Variants in FMN1 observed in about 807,000 individuals in gnomAD.
The protein encoded by FMN1 is formin-1.
In FMN1, 110 loss-of-function variants were observed where a neutral mutation model predicts 132.4. The observed-to-expected ratio is 0.83, with a 90% CI of 0.71 to 0.97. FMN1 has a LOEUF of 0.97. Among genes scored for constraint, FMN1 ranks in the 50% least tolerant of loss-of-function variants. FMN1 has a pLI of 0.00. For synonymous variants in FMN1, 722 were observed against 651.7 expected (o/e 1.11, Z -1.64); for missense variants, 1,792 against 1,705.3 (o/e 1.05, Z -0.90).
intron 6 of FMN1, among the ~76,000 whole-genome samples, chr15:33,024,935 A>C (rs2035596890): frequency 6.6e-6 from 1 of 152,212 alleles, no homozygotes; most frequent in Admixed American, 6.5e-5. Flanking sequence ...TAAATCTAAC[A>C]AACATTATTT....
chr15:32,903,386 T>C (rs2060343108), intron 12 of FMN1, among the ~76,000 whole-genome samples: 2 of 152,238 alleles, frequency 1.3e-5, no homozygotes, highest in Non-Finnish European at 2.9e-5. Context: ...TTATCATGAC[T>C]GAAATCAGGG....
At chr15:33,041,140 T>A (rs1201231976) in intron 6 of FMN1, among the ~76,000 whole-genome samples, 8 of 92,770 alleles carry the variant, frequency 8.6e-5, no homozygotes, top group African/African-American at 3.3e-4. Context: ...CTAAACAGAT[T>A]GAAAAAAAAA....
chr15:32,945,324 T>C (rs2140462729), intron 9 of FMN1, among the ~76,000 whole-genome samples: 1 of 152,158 alleles, frequency 6.6e-6, no homozygotes, highest in South Asian at 2.1e-4. Flanking sequence ...ACTAAAGCTA[T>C]TGTACTCATT....
chr15:32,929,026 C>T (rs1478606239), intron 9 of FMN1, among the ~76,000 whole-genome samples: 1 of 152,208 alleles, frequency 6.6e-6, no homozygotes, highest in Non-Finnish European at 1.5e-5. Context: ...AGGATGTTAT[C>T]ACCATAAGCC....
At chr15:32,830,629 C>T (rs1324117934) in intron 17 of FMN1, among the ~76,000 whole-genome samples, 2 of 152,108 alleles carry the variant, frequency 1.3e-5, no homozygotes, top group East Asian at 1.9e-4. Context: ...TCTTCCCTCT[C>T]GTATCAGCTA....
intron 4 of FMN1, among the ~76,000 whole-genome samples, chr15:33,098,716 G>A (rs564127165): frequency 1.3e-5 from 2 of 152,308 alleles, no homozygotes; most frequent in South Asian, 2.1e-4. Context: ...ATGAGGTTGT[G>A]TCACTGCATA....
chr15:33,012,486 T>G, intron 6 of FMN1: 1 of 1,254,742 alleles, frequency 8.0e-7, no homozygotes, highest in Non-Finnish European at 1.2e-6. Context: ...TAAGAGATTA[T>G]TTTCAACAGT....
At chr15:32,870,849 TTA>T (rs377723373) in intron 16 of FMN1, among the ~76,000 whole-genome samples, 5 of 152,194 alleles carry the variant, frequency 3.3e-5, no homozygotes, top group African/African-American at 1.2e-4. Context: ...TTCCCTTGAA[TTA>T]AAGATGGTAA....
intron 14 of FMN1, 183 bp downstream of exon 14, chr15:32,899,796 A>C: frequency 1.5e-6 from 1 of 664,116 alleles, no homozygotes; most frequent in Non-Finnish European, 2.5e-6. Flanking sequence ...AAAAAAAAAA[A>C]CCAAACAAAA....
rs188696863 is a variant in FMN1, at chr15:33,167,200, G to T, written c.-131-12155C>A. ...CACGTGTCATGGGCAGGCCAGGTGG[G>T]GATAACTGAATCATGGTGGCGGTTT... On this transcript the variant is annotated intron_variant, in intron 3 of 20. Coordinates refer to ENST00000616417, the MANE Select transcript of FMN1 (RefSeq NM_001277313.2). Among the ~76,000 whole-genome samples the T allele has an allele frequency of 2.4e-3, 368 of 152,202 alleles. 2 individuals carry two copies. Among genetic ancestry groups the T allele is most frequent in the Middle Eastern group, 0.014 (4 of 294 alleles).
At chr15:32,941,829 T>A (rs142668927) in intron 9 of FMN1, among the ~76,000 whole-genome samples, 3 of 152,188 alleles carry the variant, frequency 2.0e-5, no homozygotes, top group African/African-American at 7.2e-5. Flanking sequence ...CATTTTTTTT[T>A]AAACAAGAGA....
intron 15 of FMN1, among the ~76,000 whole-genome samples, chr15:32,895,954 T>C (rs73370837): frequency 0.016 from 2,482 of 152,246 alleles, 57 homozygotes; most frequent in African/African-American, 0.057. Flanking sequence ...CGAAAGGATT[T>C]TGCTACTTCA....
intron 7 of FMN1, among the ~76,000 whole-genome samples, chr15:32,981,636 A>G (rs1162800884): frequency 6.6e-6 from 1 of 151,560 alleles, no homozygotes; most frequent in Non-Finnish European, 1.5e-5. Context: ...TCCTCAAAAA[A>G]GCATCTTAAT....
At chr15:32,781,975 C>T (rs571507767) in intron 19 of FMN1, among the ~76,000 whole-genome samples, 10 of 152,328 alleles carry the variant, frequency 6.6e-5, no homozygotes, top group African/African-American at 1.4e-4. Context: ...CCCTCAATGA[C>T]GGTCTGAGTC....
chr15:33,072,402 G>C (rs890430972), intron 5 of FMN1, among the ~76,000 whole-genome samples: 1 of 152,170 alleles, frequency 6.6e-6, no homozygotes, highest in Non-Finnish European at 1.5e-5. Context: ...CAAGTAGATG[G>C]AGGGACAACT....
intron 6 of FMN1, among the ~76,000 whole-genome samples, chr15:33,045,240 G>T (rs1043040877): frequency 1.3e-5 from 2 of 152,216 alleles, no homozygotes; most frequent in Admixed American, 1.3e-4. Flanking sequence ...CAGCCAGCAT[G>T]CCTGGCTGTG....
intron 7 of FMN1, among the ~76,000 whole-genome samples, chr15:32,978,227 C>T (rs1408067190): frequency 1.3e-5 from 2 of 152,108 alleles, no homozygotes; most frequent in Non-Finnish European, 2.9e-5. Context: ...GCAAATATAA[C>T]CATGGATAGT....
chr15:33,159,267 G>T (rs1964797028), intron 3 of FMN1, among the ~76,000 whole-genome samples: 1 of 152,174 alleles, frequency 6.6e-6, no homozygotes, highest in African/African-American at 2.4e-5. Flanking sequence ...AAAGAATTTG[G>T]TTTCATGATT....
At chr15:33,047,207 G>C (rs757526658) in intron 6 of FMN1, among the ~76,000 whole-genome samples, 12 of 152,246 alleles carry the variant, frequency 7.9e-5, no homozygotes, top group Middle Eastern at 3.4e-3. Flanking sequence ...GCATCTTCTA[G>C]CTTCCCTTCT....
Sources: gnomAD v4.1 joint callset for allele counts (sites outside exome capture counted in the v4.1 genomes callset) on GRCh38, gnomAD v4.1.1 for gene constraint, MANE v1.5 for transcripts, NCBI Gene and HGNC (gene_info 2026-07-23, HGNC 2026-07-21) for gene names.